Variants in LRRC4C observed in about 807,000 individuals in gnomAD.
LRRC4C encodes the protein leucine rich repeat containing 4C, also known as leucine-rich repeat-containing protein 4C.
LRRC4C carries 5 observed loss-of-function variants against 33.6 expected under a neutral mutation model. The observed-to-expected ratio is 0.15, with a 90% confidence interval of 0.08 to 0.31. The LOEUF (loss-of-function observed/expected upper bound fraction) is 0.31. Ranked by LOEUF, LRRC4C falls within the 10% of genes least tolerant of loss-of-function variation. The pLI is 1.00. For missense variants in LRRC4C, 560 were observed against 796.7 expected, an observed-to-expected ratio of 0.70 and a Z score of 3.58; for synonymous variants, 329 against 302.0, an observed-to-expected ratio of 1.09 and a Z score of -0.93.
At position 40,827,485 on chromosome 11, in the gene LRRC4C, C is replaced by A. The variant is rs1952214644; in HGVS notation, c.-407+106150G>T. Reference sequence around the variant, plus strand: ...TAAAGCCAAAAGCAAAGACAAGAATCTTTGCTATCTTCTTTCTAGATAGAC... The same window carrying A: ...TAAAGCCAAAAGCAAAGACAAGAATATTTGCTATCTTCTTTCTAGATAGAC... On this transcript the variant is annotated intron_variant, in intron 2 of 6. Coordinates refer to ENST00000528697, the MANE Select transcript of LRRC4C (RefSeq NM_001258419.2). Among the ~76,000 whole-genome samples, 3 of 151,924 alleles carry A rather than the reference C, an allele frequency of 2.0e-5. No individual in the cohort carries two copies. The South Asian group carries it at 6.2e-4, about 32-fold the overall frequency.
intron 1 of LRRC4C, among the ~76,000 whole-genome samples, chr11:40,972,293 T>C (rs1851782756): frequency 6.6e-6 from 1 of 152,066 alleles, no homozygotes; most frequent in Admixed American, 6.6e-5. Flanking sequence ...TGTGCCAGCA[T>C]GTCTGGCTAA....
At chr11:40,429,091 G>C (rs1024423207) in intron 3 of LRRC4C, among the ~76,000 whole-genome samples, 2 of 152,150 alleles carry the variant, frequency 1.3e-5, no homozygotes, top group Non-Finnish European at 2.9e-5. Flanking sequence ...TAAGAAAGTA[G>C]ATATAGTGAT....
intron 2 of LRRC4C, among the ~76,000 whole-genome samples, chr11:40,735,551 T>C (rs999195284): frequency 2.8e-4 from 41 of 145,444 alleles, no homozygotes; most frequent in African/African-American, 9.4e-4. Flanking sequence ...CTTAATCCAG[T>C]CTATCATTGT....
intron 2 of LRRC4C, among the ~76,000 whole-genome samples, chr11:40,866,369 G>T (rs1030735898): frequency 1.3e-5 from 2 of 152,098 alleles, no homozygotes; most frequent in African/African-American, 4.8e-5. Context: ...TGTGGGCAAA[G>T]CATTAAATGT....
intron 2 of LRRC4C, among the ~76,000 whole-genome samples, chr11:40,719,978 G>A (rs574145675): frequency 8.5e-5 from 13 of 152,114 alleles, no homozygotes; most frequent in African/African-American, 3.1e-4. Flanking sequence ...GAGATTCTTA[G>A]GCAAATTGGG....
intron 3 of LRRC4C, among the ~76,000 whole-genome samples, chr11:40,633,315 C>G (rs1332793330): frequency 7.8e-6 from 1 of 128,154 alleles, no homozygotes; most frequent in Non-Finnish European, 1.7e-5. Context: ...TTAGCTCAGC[C>G]AAGTTTTCTT....
At chr11:40,896,488 A>G (rs1001193731) in intron 2 of LRRC4C, among the ~76,000 whole-genome samples, 17 of 152,134 alleles carry the variant, frequency 1.1e-4, no homozygotes, top group African/African-American at 4.1e-4. Flanking sequence ...CAAATCTTAA[A>G]TAACTTGAGA....
chr11:40,329,520 A>G (rs1946252023), intron 3 of LRRC4C, among the ~76,000 whole-genome samples: 1 of 152,130 alleles, frequency 6.6e-6, no homozygotes, highest in East Asian at 1.9e-4. Flanking sequence ...GTGTGATTCA[A>G]ACTCCTTTGT....
intron 6 of LRRC4C, among the ~76,000 whole-genome samples, chr11:40,125,891 A>G (rs1198582642): frequency 6.6e-6 from 1 of 152,076 alleles, no homozygotes; most frequent in African/African-American, 2.4e-5. Flanking sequence ...TAGATCATTT[A>G]TTTTCCCATT....
intron 1 of LRRC4C, among the ~76,000 whole-genome samples, chr11:41,159,817 C>T (rs1353843837): frequency 1.3e-5 from 2 of 152,072 alleles, no homozygotes; most frequent in Non-Finnish European, 2.9e-5. Flanking sequence ...GAAAACAATG[C>T]CGCACCTAGT....
intron 1 of LRRC4C, among the ~76,000 whole-genome samples, chr11:41,215,521 A>C (rs1947023497): frequency 6.6e-6 from 1 of 150,864 alleles, no homozygotes; most frequent in African/African-American, 2.4e-5. Context: ...TTCCATCCAC[A>C]TTGACGATGT....
chr11:41,313,792 G>T (rs1950707944), intron 1 of LRRC4C, among the ~76,000 whole-genome samples: 1 of 152,218 alleles, frequency 6.6e-6, no homozygotes, highest in East Asian at 1.9e-4. Flanking sequence ...ATTATCATAA[G>T]CCTAAAAATT....
At chr11:40,453,178 T>C (rs1372115004) in intron 3 of LRRC4C, among the ~76,000 whole-genome samples, 1 of 129,968 alleles carries the variant, frequency 7.7e-6, no homozygotes, top group Non-Finnish European at 1.7e-5. Flanking sequence ...ACTTAAAGTA[T>C]AATAAAAAAA....
rs551660704 is a variant in LRRC4C at position 40,145,674 on chromosome 11, T to C, written c.-95-4821A>G. 3.8e-4 allele frequency among the ~76,000 whole-genome samples: 58 copies of C among 152,306 alleles called. No individual in the cohort carries two copies. The East Asian group carries it at 4.6e-3, about 12-fold the overall frequency. On this transcript the variant is annotated intron_variant, in intron 5 of 6. Transcript: ENST00000528697. ...TTGTACATTACAGAAAGATAAAGTGTCCATACTGTTTTCTCTAATATAGCA... is the reference window on the plus strand; with the variant it reads ...TTGTACATTACAGAAAGATAAAGTGCCCATACTGTTTTCTCTAATATAGCA...
At chr11:40,283,458 T>C (rs2136472132) in intron 4 of LRRC4C, among the ~76,000 whole-genome samples, 1 of 152,150 alleles carries the variant, frequency 6.6e-6, no homozygotes, top group South Asian at 2.1e-4. Context: ...TTATGCAAAG[T>C]AGTTATGAAA....
intron 1 of LRRC4C, among the ~76,000 whole-genome samples, chr11:41,256,545 A>C (rs1948806854): frequency 6.6e-6 from 1 of 152,036 alleles, no homozygotes; most frequent in Non-Finnish European, 1.5e-5. Flanking sequence ...CAGCAAACCC[A>C]GAGATTAATT....
At chr11:40,889,112 T>C (rs932385075) in intron 2 of LRRC4C, among the ~76,000 whole-genome samples, 4 of 152,048 alleles carry the variant, frequency 2.6e-5, no homozygotes, top group African/African-American at 9.6e-5. Flanking sequence ...ATTTAGAATG[T>C]GCCCCAAGAT....
intron 4 of LRRC4C, among the ~76,000 whole-genome samples, chr11:40,249,960 G>A (rs554501928): frequency 2.2e-4 from 33 of 147,202 alleles, no homozygotes; most frequent in Non-Finnish European, 3.8e-4. Flanking sequence ...AATTTATTGC[G>A]CCAAGGGGCA....
chr11:40,341,756 AG>A (rs1946878658), intron 3 of LRRC4C, among the ~76,000 whole-genome samples: 1 of 152,348 alleles, frequency 6.6e-6, no homozygotes, highest in African/African-American at 2.4e-5. Context: ...AAAAAAAGAT[AG>A]TCATCACAGT....
Sources: allele counts gnomAD v4.1 joint callset (sites outside exome capture counted in the v4.1 genomes callset), GRCh38; gene constraint gnomAD v4.1.1; transcripts MANE v1.5; gene names NCBI Gene and HGNC (gene_info 2026-07-23, HGNC 2026-07-21).